Variants in TMTC4 observed in about 807,000 individuals in gnomAD.
TMTC4 encodes transmembrane O-mannosyltransferase targeting cadherins 4.
In TMTC4, 65 loss-of-function variants were observed where a neutral mutation model predicts 86.0. That is an observed-to-expected ratio of 0.76 (90% CI 0.62 to 0.93). The LOEUF is 0.93. Among genes scored for constraint, TMTC4 ranks in the 40% least tolerant of loss-of-function variants. TMTC4 has a pLI of 0.00. For synonymous variants in TMTC4, 379 were observed against 382.5 expected, an observed-to-expected ratio of 0.99 and a Z score of 0.11; for missense variants, 866 against 948.1, an observed-to-expected ratio of 0.91 and a Z score of 1.14.
At chr13:100,606,335 T>A in intron 18 of TMTC4, 23 bp downstream of exon 18, 1 of 1,607,510 alleles carries the variant, frequency 6.2e-7, no homozygotes, top group Non-Finnish European at 8.5e-7. Context: ...TTCAACACGA[T>A]TCAAGTTGAA....
intron 2 of TMTC4, 98 bp downstream of exon 2, chr13:100,670,259 TAAG>T (rs1267807869): frequency 2.6e-5 from 36 of 1,394,590 alleles, no homozygotes; most frequent in Admixed American, 1.6e-4. Context: ...ATGGAATCAA[TAAG>T]AAGCCAGCCA....
chr13:100,655,067 G>A lies in TMTC4; in HGVS notation c.640+1314C>T, dbSNP rs1884923072. On this transcript the variant is annotated intron_variant, in intron 6 of 18. Transcript: ENST00000342624. ...GACGGAGTGTCACTCTGTCACCCAG[G>A]CTGGAGTGCAGTGGCGCAATCTCGG... 2.0e-5 allele frequency among the ~76,000 whole-genome samples: 3 copies of A among 146,910 alleles called. No homozygotes were observed. In the South Asian group the frequency reaches 6.5e-4, roughly 32 times the overall value.
chr13:100,616,791 ATGTT>A (rs776149019), intron 15 of TMTC4, among the ~76,000 whole-genome samples: 4 of 150,914 alleles, frequency 2.7e-5, no homozygotes, highest in Non-Finnish European at 5.9e-5. Flanking sequence ...ATTTTCTCAT[ATGTT>A]TGTTAGCTGC....
intron 17 of TMTC4, among the ~76,000 whole-genome samples, chr13:100,608,399 G>A (rs1876999062): frequency 6.6e-6 from 1 of 152,224 alleles, no homozygotes; most frequent in Admixed American, 6.5e-5. Flanking sequence ...AGAGAGCACT[G>A]GGCCAGGGGG....
intron 5 of TMTC4, among the ~76,000 whole-genome samples, chr13:100,660,312 CAG>C (rs1475071470): frequency 7.5e-6 from 1 of 133,508 alleles, no homozygotes; most frequent in Non-Finnish European, 1.5e-5. Flanking sequence ...GCCCAGGTGA[CAG>C]AGTGAGACTG....
At position 100,644,815 on chromosome 13, in the gene TMTC4, A is replaced by C. The variant is rs78514290; in HGVS notation, c.641-2504T>G. ...TCCCATTGTCTCATAAAACACAACGAACATACTTTTTTTTTTTGAGATGGA... is the reference window on the plus strand; with the variant it reads ...TCCCATTGTCTCATAAAACACAACGCACATACTTTTTTTTTTTGAGATGGA... On this transcript the variant is annotated intron_variant, in intron 6 of 18. Transcript: ENST00000342624. Among the ~76,000 whole-genome samples, 1,400 of 141,382 alleles carry C rather than the reference A, an allele frequency of 9.9e-3. 20 individuals carry two copies. Among genetic ancestry groups the C allele is most frequent in the African/African-American group, 0.034 (1,289 of 38,048 alleles). 92.8% of individuals were successfully genotyped at this position (141,382 alleles called of 152,430 possible).
At position 100,663,079 on chromosome 13, in the gene TMTC4, G is replaced by A. The variant is rs1160413350; in HGVS notation, c.437C>T (p.Ser146Leu). 15 of 1,614,114 alleles carry A rather than the reference G, an allele frequency of 9.3e-6. No homozygotes were observed. Among genetic ancestry groups the A allele is most frequent in the African/African-American group, 1.3e-5 (1 of 74,950 alleles). The stretch of plus-strand genomic sequence containing the variant: ...GTACTGCAGGCCGCCAAACAGAACC[G>A]AGAAGACGTCCACCATGAGGACAGA... ...GISVLMVDVF[S>L]VLFGGLQYTS... is the part of the protein sequence containing the mutation. The change falls in exon 5 of 19, where the codon TCG (serine) becomes TTG (leucine). Residue 146 changes from serine to leucine, a missense_variant. Transcript: ENST00000342624.
intron 12 of TMTC4, among the ~76,000 whole-genome samples, chr13:100,633,628 C>T (rs1050718624): frequency 2.0e-5 from 3 of 152,182 alleles, no homozygotes; most frequent in Middle Eastern, 3.2e-3. Flanking sequence ...AGGATACATT[C>T]TGAGAAATGC....
chr13:100,638,271 A>G, intron 7 of TMTC4: 1 of 388,090 alleles, frequency 2.6e-6, no homozygotes, highest in Non-Finnish European at 4.6e-6. Flanking sequence ...TGCGTGTAGG[A>G]GTTCTACAAG....
At chr13:100,625,004 C>A (rs974656011) in intron 15 of TMTC4, 1 of 153,938 alleles carries the variant, frequency 6.5e-6, no homozygotes, top group African/African-American at 2.4e-5. Context: ...TACTACAGAA[C>A]ACGTTATTTT....
At chr13:100,674,900 G>C, upstream of TMTC4, 2 of 983,070 alleles carry the variant, frequency 2.0e-6, no homozygotes, top group Non-Finnish European at 2.4e-6. Flanking sequence ...GCGCGCGGGC[G>C]CCCCCCAGCA....
In TMTC4 at chr13:100,668,707, G is replaced by A. The variant is rs1279038359; in HGVS notation, c.91C>T (p.Leu31Phe). The A allele has an allele frequency of 6.2e-7, 1 of 1,614,254 alleles. No homozygotes were observed. ...AATGGAGGAAGAACAGAAGATGGAA[G>A]AATGTGATCCAAATCAGTGTCCAAC... ...AVLDTDLDHI[L>F]PSSVLPPFWA... is the part of the protein sequence containing the mutation. Residue 31 changes from leucine (L) to phenylalanine (F), a missense_variant, in exon 3 of 19, where the codon CTT (leucine) becomes TTT (phenylalanine). Transcript: ENST00000342624.
intron 6 of TMTC4, 33 bp downstream of exon 6, chr13:100,656,348 G>A (rs1193058489): frequency 5.7e-6 from 9 of 1,579,608 alleles, no homozygotes; most frequent in South Asian, 1.1e-5. Context: ...CATGAAGAAG[G>A]TGGAAAATTA....
intron 15 of TMTC4, among the ~76,000 whole-genome samples, chr13:100,621,832 C>G (rs1879540803): frequency 6.6e-6 from 1 of 152,170 alleles, no homozygotes; most frequent in Non-Finnish European, 1.5e-5. Context: ...TATTCATAAC[C>G]ACCCAAATGC....
intron 17 of TMTC4, among the ~76,000 whole-genome samples, chr13:100,611,571 C>T (rs190961419): frequency 6.6e-5 from 10 of 152,080 alleles, no homozygotes; most frequent in South Asian, 2.1e-4. Context: ...GGCGAAAGAG[C>T]GAGACTCCGT....
rs1185547708 is a variant in TMTC4, at chr13:100,638,008, T to C, written c.756A>G (p.Val252=). ...QGITVLGLNA[V]FDILVIGKFN... is the part of the protein sequence containing the mutation. Reference sequence around the variant, plus strand: ...ATTTGCCTATCACCAAGATGTCAAATACCGCATTTAAACCCTAAGAAAGCA... The same window carrying C: ...ATTTGCCTATCACCAAGATGTCAAACACCGCATTTAAACCCTAAGAAAGCA... The change falls in exon 8 of 19, where the codon GTA becomes GTG. Residue 252 remains valine, a synonymous_variant. Coordinates refer to ENST00000342624, the MANE Select transcript of TMTC4 (RefSeq NM_032813.5). The C allele has an allele frequency of 1.2e-6, 2 of 1,613,954 alleles. No individual in the cohort carries two copies. The highest frequency in any genetic ancestry group is 1.7e-6 in the Non-Finnish European group (2 of 1,179,990).
chr13:100,643,305 C>A (rs570625141), intron 6 of TMTC4, among the ~76,000 whole-genome samples: 1 of 152,236 alleles, frequency 6.6e-6, no homozygotes, highest in Non-Finnish European at 1.5e-5. Context: ...TCCACTTACA[C>A]CTGGAACTCC....
At chr13:100,615,430 C>T (rs370186576) in intron 15 of TMTC4, among the ~76,000 whole-genome samples, 3 of 150,374 alleles carry the variant, frequency 2.0e-5, no homozygotes, top group South Asian at 2.1e-4. Context: ...CGTGAGCCAC[C>T]GCGCCAGGCG....
intron 15 of TMTC4, among the ~76,000 whole-genome samples, chr13:100,618,635 G>A (rs1206929687): frequency 6.6e-6 from 1 of 151,896 alleles, no homozygotes; most frequent in Non-Finnish European, 1.5e-5. Flanking sequence ...AGGACCCTGC[G>A]GCCTTCCGCA....
Sources: gnomAD v4.1 joint callset for allele counts (sites outside exome capture counted in the v4.1 genomes callset) on GRCh38, gnomAD v4.1.1 for gene constraint, MANE v1.5 for transcripts, NCBI Gene and HGNC (gene_info 2026-07-23, HGNC 2026-07-21) for gene names.